Variants in UBE2E2 observed in about 807,000 individuals in gnomAD.
UBE2E2 encodes ubiquitin-conjugating enzyme E2 E2.
Under a neutral mutation model 24.7 loss-of-function variants are expected in UBE2E2, and 6 were observed. The ratio of observed to expected loss-of-function variants is 0.24; its 90% confidence interval spans 0.13 to 0.48. The LOEUF is 0.48. Among genes scored for constraint, UBE2E2 ranks in the 20% least tolerant of loss-of-function variants. The pLI, the probability that UBE2E2 is intolerant of heterozygous loss-of-function variation, is 0.99. For synonymous variants in UBE2E2, 104 were observed against 83.6 expected, an observed-to-expected ratio of 1.24 and a Z score of -1.33; for missense variants, 169 against 245.0, an observed-to-expected ratio of 0.69 and a Z score of 2.07.
intron 3 of UBE2E2, among the ~76,000 whole-genome samples, chr3:23,375,595 C>G (rs1575593144): frequency 6.6e-6 from 1 of 152,136 alleles, no homozygotes; most frequent in Non-Finnish European, 1.5e-5. Flanking sequence ...GCTAGGCATA[C>G]TCTTGTAGTT....
intron 3 of UBE2E2, among the ~76,000 whole-genome samples, chr3:23,462,963 G>T (rs1698839011): frequency 6.6e-6 from 1 of 152,158 alleles, no homozygotes; most frequent in South Asian, 2.1e-4. Context: ...GCATTAAACA[G>T]TGCCTACCAT....
At position 23,255,776 on chromosome 3, in the gene UBE2E2, A is replaced by G. The variant is rs149309311; in HGVS notation, c.227+38464A>G. 2.4e-3 allele frequency among the ~76,000 whole-genome samples: 364 copies of G among 152,316 alleles called. 3 individuals carry two copies. Among genetic ancestry groups the G allele is most frequent in the African/African-American group, 8.3e-3 (347 of 41,562 alleles). ...TATTTTACTATTGGATACATATCAC[A>G]GTATCTGGGAATAATCATACTCTCC... On this transcript the variant is annotated intron_variant, in intron 3 of 5. Coordinates refer to ENST00000396703, the MANE Select transcript of UBE2E2 (RefSeq NM_152653.4).
At chr3:23,550,519 G>C (rs1695618379) in intron 5 of UBE2E2, among the ~76,000 whole-genome samples, 1 of 152,176 alleles carries the variant, frequency 6.6e-6, no homozygotes, top group Non-Finnish European at 1.5e-5. Context: ...GTTGTCCAGA[G>C]AGTTTTGTTA....
At chr3:23,542,765 G>A (rs1156763741) in intron 5 of UBE2E2, among the ~76,000 whole-genome samples, 2 of 151,892 alleles carry the variant, frequency 1.3e-5, no homozygotes, top group Non-Finnish European at 2.9e-5. Flanking sequence ...CTTTGCTCTG[G>A]GAACTCAAAT....
intron 3 of UBE2E2, among the ~76,000 whole-genome samples, chr3:23,252,483 A>G (rs1256591241): frequency 1.3e-5 from 2 of 152,178 alleles, no homozygotes; most frequent in African/African-American, 4.8e-5. Context: ...AAACAAAACA[A>G]GATTAAAAAA....
At chr3:23,370,562 T>G (rs777334715) in intron 3 of UBE2E2, among the ~76,000 whole-genome samples, 2 of 152,222 alleles carry the variant, frequency 1.3e-5, no homozygotes, top group Non-Finnish European at 2.9e-5. Context: ...TTAAGAACTT[T>G]CTAAATGAAT....
chr3:23,475,593 C>G (rs1053940109), intron 3 of UBE2E2, among the ~76,000 whole-genome samples: 13 of 152,082 alleles, frequency 8.5e-5, no homozygotes, highest in South Asian at 8.3e-4. Context: ...AAAGTGACTC[C>G]TAAACTCAGA....
chr3:23,520,263 A>G (rs1471022970), intron 4 of UBE2E2, among the ~76,000 whole-genome samples: 2 of 152,174 alleles, frequency 1.3e-5, no homozygotes, highest in African/African-American at 4.8e-5. Flanking sequence ...TCTGTTTCTT[A>G]GTAATAATAG....
chr3:23,236,567 A>G (rs1408532836), intron 3 of UBE2E2, among the ~76,000 whole-genome samples: 1 of 146,032 alleles, frequency 6.8e-6, no homozygotes, highest in Non-Finnish European at 1.5e-5. Flanking sequence ...ACTATAGATT[A>G]TTTCTCACAG....
At chr3:23,507,017 T>A (rs1215504628) in intron 4 of UBE2E2, among the ~76,000 whole-genome samples, 1 of 152,202 alleles carries the variant, frequency 6.6e-6, no homozygotes, top group Non-Finnish European at 1.5e-5. Context: ...AATAAAAGCC[T>A]ATAAAGCCAT....
intron 3 of UBE2E2, among the ~76,000 whole-genome samples, chr3:23,377,135 G>A (rs898998429): frequency 1.3e-4 from 20 of 152,208 alleles, no homozygotes; most frequent in African/African-American, 3.4e-4. Flanking sequence ...CATTGGGTCC[G>A]TGTTCTGTTT....
intron 3 of UBE2E2, among the ~76,000 whole-genome samples, chr3:23,327,907 T>C: frequency 6.6e-6 from 1 of 152,310 alleles, no homozygotes; most frequent in East Asian, 1.9e-4. Flanking sequence ...ATCTCAATTA[T>C]AGGATGATAG....
intron 3 of UBE2E2, among the ~76,000 whole-genome samples, chr3:23,481,117 T>G (rs534736236): frequency 1.5e-3 from 235 of 152,342 alleles, no homozygotes; most frequent in African/African-American, 5.4e-3. Flanking sequence ...GGTTTTGATC[T>G]TCCCAAAGGA....
chr3:23,330,446 G>A (rs900377556), intron 3 of UBE2E2, among the ~76,000 whole-genome samples: 3 of 152,292 alleles, frequency 2.0e-5, no homozygotes, highest in East Asian at 1.9e-4. Context: ...TCTATAGGAG[G>A]TAGGTGACAG....
At chr3:23,385,090 C>G (rs561543490) in intron 3 of UBE2E2, among the ~76,000 whole-genome samples, 1 of 152,274 alleles carries the variant, frequency 6.6e-6, no homozygotes, top group African/African-American at 2.4e-5. Context: ...ACTACCACAC[C>G]TGGCCAATGA....
intron 3 of UBE2E2, among the ~76,000 whole-genome samples, chr3:23,324,250 A>C (rs1219789343): frequency 6.6e-6 from 1 of 152,142 alleles, no homozygotes. Flanking sequence ...GTATTAGTTG[A>C]ATCTGTGATT....
At chr3:23,274,827 A>G (rs559036966) in intron 3 of UBE2E2, among the ~76,000 whole-genome samples, 15 of 152,240 alleles carry the variant, frequency 9.9e-5, no homozygotes, top group Non-Finnish European at 1.9e-4. Context: ...GTAGGTAATA[A>G]ATGGAGTGAT....
intron 3 of UBE2E2, among the ~76,000 whole-genome samples, chr3:23,341,243 T>C (rs985431039): frequency 2.6e-5 from 4 of 152,184 alleles, no homozygotes; most frequent in African/African-American, 7.2e-5. Flanking sequence ...ATGTTCCTTA[T>C]AGTAACAATG....
At position 23,339,015 on chromosome 3, in the gene UBE2E2, TA is replaced by T. The variant is rs560969363; in HGVS notation, c.227+121705del. ...TACTATAATTATAAAGGAATCATAG[TA>T]ACCTTACAGTGGAGAAAATGGACAT... On this transcript the variant is annotated intron_variant, in intron 3 of 5. Transcript: ENST00000396703. 7.3e-3 allele frequency among the ~76,000 whole-genome samples: 1,114 copies of T among 152,286 alleles called. 5 individuals are homozygous for T. Among genetic ancestry groups the T allele is most frequent in the Non-Finnish European group, 0.012 (789 of 68,010 alleles).
Sources: gnomAD v4.1 joint callset for allele counts (sites outside exome capture counted in the v4.1 genomes callset) on GRCh38, gnomAD v4.1.1 for gene constraint, MANE v1.5 for transcripts, NCBI Gene and HGNC (gene_info 2026-07-23, HGNC 2026-07-21) for gene names.